The following FBXL17 variants were observed in gnomAD, a reference collection of about 807,000 sequenced individuals.
FBXL17 encodes the protein F-box and leucine rich repeat protein 17, also known as F-box/LRR-repeat protein 17.
A neutral mutation model predicts 66.2 loss-of-function variants in FBXL17; 22 were observed. The observed-to-expected ratio is 0.33, with a 90% CI of 0.24 to 0.47. FBXL17 has a LOEUF of 0.47. Ranked by LOEUF, FBXL17 falls within the 20% of genes least tolerant of loss-of-function variation. The pLI is 1.00. For missense variants in FBXL17, 878 were observed against 948.2 expected, an observed-to-expected ratio of 0.93 and a Z score of 0.97; for synonymous variants, 474 against 400.5, an observed-to-expected ratio of 1.18 and a Z score of -2.19.
intron 6 of FBXL17, among the ~76,000 whole-genome samples, chr5:108,084,537 G>T (rs767424000): frequency 6.6e-6 from 1 of 152,098 alleles, no homozygotes; most frequent in Non-Finnish European, 1.5e-5. Flanking sequence ...CATGAAAACT[G>T]GTTAAGGGAT....
At chr5:108,029,178 T>C (rs1181395282) in intron 6 of FBXL17, among the ~76,000 whole-genome samples, 1 of 152,108 alleles carries the variant, frequency 6.6e-6, no homozygotes, top group East Asian at 1.9e-4. Context: ...AACTAATTAA[T>C]CCTGCAAGCA....
At chr5:107,947,200 T>G (rs1328825450) in intron 7 of FBXL17, among the ~76,000 whole-genome samples, 1 of 152,216 alleles carries the variant, frequency 6.6e-6, no homozygotes, top group Non-Finnish European at 1.5e-5. Flanking sequence ...ACCGCGGCAT[T>G]GCTATGGGCA....
At chr5:108,298,606 C>CT (rs927234405) in intron 4 of FBXL17, 41 of 940,920 alleles carry the variant, frequency 4.4e-5, no homozygotes, top group East Asian at 1.2e-4. Context: ...AAATATAAAT[C>CT]TTTTTTTTAA....
intron 6 of FBXL17, among the ~76,000 whole-genome samples, chr5:108,164,430 G>T (rs1413133101): frequency 2.0e-5 from 3 of 152,118 alleles, no homozygotes; most frequent in Non-Finnish European, 2.9e-5. Context: ...TTAGGCTGTA[G>T]TTCTGCTTTA....
intron 7 of FBXL17, among the ~76,000 whole-genome samples, chr5:107,937,576 G>A (rs1476557460): frequency 6.6e-6 from 1 of 152,088 alleles, no homozygotes; most frequent in Non-Finnish European, 1.5e-5. Context: ...AGCAATTATT[G>A]TCTCTCCATT....
At chr5:107,899,879 C>A (rs1435967815) in intron 7 of FBXL17, among the ~76,000 whole-genome samples, 1 of 152,012 alleles carries the variant, frequency 6.6e-6, no homozygotes, top group Non-Finnish European at 1.5e-5. Context: ...GATGGGTACA[C>A]TAAAAGCCCA....
At chr5:108,173,781 T>C (rs1379266896) in intron 6 of FBXL17, among the ~76,000 whole-genome samples, 2 of 152,184 alleles carry the variant, frequency 1.3e-5, no homozygotes, top group African/African-American at 4.8e-5. Flanking sequence ...AATAATGGTA[T>C]TTCTACATTT....
chr5:107,954,982 C>T lies in FBXL17; in HGVS notation c.1822+65943G>A, dbSNP rs150963425. Among the ~76,000 whole-genome samples the T allele has an allele frequency of 2.1e-3, 323 of 152,102 alleles. 2 individuals are homozygous for T. The highest frequency in any genetic ancestry group is 7.6e-3 in the African/African-American group (314 of 41,502). ...CAATCTTGTTAATTTACTGACACCC[C>T]GTAGATGTTAAGAATGGAATATGTA... On this transcript the variant is annotated intron_variant, in intron 7 of 8. Transcript: ENST00000542267.
chr5:108,232,903 C>T (rs1297611850), intron 4 of FBXL17, among the ~76,000 whole-genome samples: 4 of 149,686 alleles, frequency 2.7e-5, no homozygotes, highest in Non-Finnish European at 4.4e-5. Context: ...GGATATACTA[C>T]ATCTTGTGTA....
intron 7 of FBXL17, among the ~76,000 whole-genome samples, chr5:107,934,596 C>T (rs1048501467): frequency 6.6e-6 from 1 of 152,088 alleles, no homozygotes; most frequent in African/African-American, 2.4e-5. Flanking sequence ...TTCTTAATTT[C>T]ATTTTCTTCT....
chr5:108,177,819 T>C (rs968419911), intron 6 of FBXL17, among the ~76,000 whole-genome samples: 9 of 151,196 alleles, frequency 6.0e-5, no homozygotes, highest in Admixed American at 3.3e-4. Flanking sequence ...AATAAAACAA[T>C]GTGTATAAAC....
At chr5:108,146,784 G>A (rs766957014) in intron 6 of FBXL17, among the ~76,000 whole-genome samples, 1 of 152,054 alleles carries the variant, frequency 6.6e-6, no homozygotes, top group Non-Finnish European at 1.5e-5. Flanking sequence ...CACAGGCTAG[G>A]GACCCCCCAG....
chr5:107,897,544 T>C (rs1467040935), intron 7 of FBXL17, among the ~76,000 whole-genome samples: 1 of 152,130 alleles, frequency 6.6e-6, no homozygotes, highest in Non-Finnish European at 1.5e-5. Flanking sequence ...GTTCTTTTGA[T>C]ATTGGACAAT....
intron 5 of FBXL17, among the ~76,000 whole-genome samples, chr5:108,200,350 C>T (rs1753841192): frequency 6.6e-6 from 1 of 151,910 alleles, no homozygotes; most frequent in South Asian, 2.1e-4. Flanking sequence ...GGGCAAGCAG[C>T]ATGAAGCAAA....
At chr5:107,879,448 G>A (rs1748711918) in intron 8 of FBXL17, 2 of 985,406 alleles carry the variant, frequency 2.0e-6, no homozygotes, top group Non-Finnish European at 2.4e-6. Context: ...TGGGAGACTC[G>A]CAAGCCCCGG....
chr5:107,881,226 GAGCT>G, intron 7 of FBXL17, 47 bp from the exon 8 acceptor site: 1 of 1,179,534 alleles, frequency 8.5e-7, no homozygotes, highest in South Asian at 1.7e-5. Flanking sequence ...CAGTGTAAGG[GAGCT>G]CTATCTTATT....
chr5:108,316,361 G>A (rs1303062140), intron 4 of FBXL17, among the ~76,000 whole-genome samples: 1 of 151,326 alleles, frequency 6.6e-6, no homozygotes, highest in Non-Finnish European at 1.5e-5. Flanking sequence ...AAGTTCTTAT[G>A]AAATTACTCC....
At chr5:108,254,465 G>A (rs2150117711) in intron 4 of FBXL17, among the ~76,000 whole-genome samples, 1 of 152,210 alleles carries the variant, frequency 6.6e-6, no homozygotes, top group South Asian at 2.1e-4. Flanking sequence ...AGTCATTGCT[G>A]GGACTAAGTT....
chr5:107,954,212 GAAGA>G (rs529782334), intron 7 of FBXL17, among the ~76,000 whole-genome samples: 115 of 152,228 alleles, frequency 7.6e-4, no homozygotes, highest in African/African-American at 2.3e-3. Context: ...TTCCAAGTGA[GAAGA>G]AAGAAAGTAT....
Sources: allele counts gnomAD v4.1 joint callset (sites outside exome capture counted in the v4.1 genomes callset), GRCh38; gene constraint gnomAD v4.1.1; transcripts MANE v1.5; gene names NCBI Gene and HGNC (gene_info 2026-07-23, HGNC 2026-07-21).